The following COG5 variants were observed in gnomAD, a reference collection of about 807,000 sequenced individuals.
The protein encoded by COG5 is component of oligomeric golgi complex 5.
A neutral mutation model predicts 110.4 loss-of-function variants in COG5; 86 were observed. The observed-to-expected ratio is 0.78, with a 90% CI of 0.65 to 0.93. The LOEUF (loss-of-function observed/expected upper bound fraction) is 0.93. COG5 is among the 40% of genes least tolerant of loss of function. COG5 has a pLI of 0.00. For missense variants in COG5, 1,077 were observed against 987.0 expected (o/e 1.09, Z -1.22); for synonymous variants, 360 against 334.6 (o/e 1.08, Z -0.83).
intron 11 of COG5, among the ~76,000 whole-genome samples, chr7:107,299,924 TTGCCCAGGC>T (rs1807119897): frequency 6.8e-6 from 1 of 147,990 alleles, no homozygotes; most frequent in Non-Finnish European, 1.5e-5. Flanking sequence ...TCCCACTATA[TTGCCCAGGC>T]TGTTCTTTAA....
chr7:107,427,093 A>G (rs980116354), intron 6 of COG5, among the ~76,000 whole-genome samples: 4 of 152,198 alleles, frequency 2.6e-5, no homozygotes, highest in Admixed American at 2.6e-4. Flanking sequence ...CTGGCCACAA[A>G]AATCAATTCC....
chr7:107,480,570 C>T (rs1797281992), intron 6 of COG5, among the ~76,000 whole-genome samples: 1 of 151,980 alleles, frequency 6.6e-6, no homozygotes, highest in Admixed American at 6.6e-5. Flanking sequence ...ATGCTAAGCT[C>T]TTAGAGAAAT....
chr7:107,483,037 G>A (rs954723055), intron 6 of COG5, among the ~76,000 whole-genome samples: 1 of 152,104 alleles, frequency 6.6e-6, no homozygotes, highest in African/African-American at 2.4e-5. Context: ...ATGCCATTCA[G>A]GTTAGGTAGA....
intron 6 of COG5, among the ~76,000 whole-genome samples, chr7:107,501,259 A>C (rs1158816979): frequency 2.0e-5 from 3 of 152,074 alleles, no homozygotes; most frequent in Non-Finnish European, 2.9e-5. Context: ...AAGGGAAAAG[A>C]ACTTGAGAAC....
intron 6 of COG5, among the ~76,000 whole-genome samples, chr7:107,415,840 G>A (rs1359591550): frequency 1.3e-5 from 1 of 78,674 alleles, no homozygotes; most frequent in South Asian, 3.1e-4. Context: ...ATGTATGTGT[G>A]TGTATATATA....
intron 5 of COG5, among the ~76,000 whole-genome samples, chr7:107,543,633 C>A (rs950809353): frequency 2.0e-5 from 3 of 152,148 alleles, no homozygotes; most frequent in Non-Finnish European, 4.4e-5. Flanking sequence ...AGACTTCCAG[C>A]ACCAGGCCAG....
intron 9 of COG5, 43 bp from the exon 10 acceptor site, chr7:107,362,153 A>C (rs369476396): frequency 3.2e-5 from 48 of 1,502,226 alleles, no homozygotes; most frequent in Non-Finnish European, 4.1e-5. Context: ...AGAAAAAGCA[A>C]GAAAAGGGAA....
intron 5 of COG5, among the ~76,000 whole-genome samples, chr7:107,545,625 C>G (rs1277470760): frequency 6.6e-6 from 1 of 151,522 alleles, no homozygotes; most frequent in Non-Finnish European, 1.5e-5. Flanking sequence ...ACCAAAAATA[C>G]AAAAATTAGC....
At position 107,230,915 on chromosome 7, in the gene COG5, TA is replaced by T. The variant is rs60826700; in HGVS notation, c.2092-225del. On this transcript the variant is annotated intron_variant, in intron 18 of 21. Transcript: ENST00000297135. ...AGATGAGACAATTCCTTCATGAAAA[TA>T]AAAAAAAAACATTTTTTGTTATATA... Among the ~76,000 whole-genome samples the T allele has an allele frequency of 0.63, 94,247 of 150,484 alleles. 31,717 individuals are homozygous for T. The highest frequency in any genetic ancestry group is 0.9 in the African/African-American group (37,343 of 41,310).
intron 7 of COG5, among the ~76,000 whole-genome samples, chr7:107,379,379 C>T (rs2129052517): frequency 6.6e-6 from 1 of 152,160 alleles, no homozygotes; most frequent in Admixed American, 6.5e-5. Flanking sequence ...GGTAAAATAA[C>T]CAGCTAGTAT....
chr7:107,258,204 G>T, intron 15 of COG5, 69 bp downstream of exon 15: 1 of 915,426 alleles, frequency 1.1e-6, no homozygotes, highest in Non-Finnish European at 1.8e-6. Flanking sequence ...ATAACAATTT[G>T]TAAACTGTCC....
At chr7:107,233,574 T>C (rs1027897891) in intron 18 of COG5, among the ~76,000 whole-genome samples, 6 of 152,182 alleles carry the variant, frequency 3.9e-5, no homozygotes, top group African/African-American at 1.4e-4. Context: ...GGCAAATAAC[T>C]AGTATTCCCA....
chr7:107,340,169 C>G (rs1322916469), intron 10 of COG5, among the ~76,000 whole-genome samples: 2 of 151,838 alleles, frequency 1.3e-5, no homozygotes, highest in African/African-American at 4.8e-5. Context: ...CAAATGAGCA[C>G]AATCAGAAAT....
intron 11 of COG5, among the ~76,000 whole-genome samples, chr7:107,299,826 C>CATAT (rs71856513): frequency 0.097 from 9,988 of 102,728 alleles, 660 homozygotes; most frequent in East Asian, 0.14. Flanking sequence ...TCATAGTTGG[C>CATAT]ATATATATAT....
chr7:107,549,634 C>A (rs1000580345), intron 3 of COG5, among the ~76,000 whole-genome samples: 1 of 151,278 alleles, frequency 6.6e-6, no homozygotes, highest in Middle Eastern at 3.4e-3. Context: ...GACCTCCTGA[C>A]CTCGTGATCC....
At chr7:107,258,057 T>C (rs771788868) in intron 15 of COG5, among the ~76,000 whole-genome samples, 98 of 152,292 alleles carry the variant, frequency 6.4e-4, no homozygotes, top group South Asian at 1.0e-3. Flanking sequence ...CTATAGTTCA[T>C]GTGTTTTAAA....
At chr7:107,537,156 C>T (rs1801642132) in intron 5 of COG5, among the ~76,000 whole-genome samples, 2 of 152,094 alleles carry the variant, frequency 1.3e-5, no homozygotes, top group Admixed American at 1.3e-4. Flanking sequence ...CATTGTGAGG[C>T]TATTTCTCAA....
chr7:107,427,341 C>T (rs1355990199), intron 6 of COG5, among the ~76,000 whole-genome samples: 1 of 152,156 alleles, frequency 6.6e-6, no homozygotes, highest in Admixed American at 6.5e-5. Context: ...AATTTCTTCT[C>T]TTATTCACTT....
chr7:107,249,182 T>C (rs1802289974), intron 16 of COG5, among the ~76,000 whole-genome samples: 1 of 152,182 alleles, frequency 6.6e-6, no homozygotes, highest in Non-Finnish European at 1.5e-5. Flanking sequence ...TTGAGAGTTC[T>C]ACAGCAGTGA....
Sources: gnomAD v4.1 joint callset for allele counts (sites outside exome capture counted in the v4.1 genomes callset) on GRCh38, gnomAD v4.1.1 for gene constraint, MANE v1.5 for transcripts, NCBI Gene and HGNC (gene_info 2026-07-23, HGNC 2026-07-21) for gene names.